The following NEDD4L variants were observed in gnomAD, a reference collection of about 807,000 sequenced individuals.
The protein encoded by NEDD4L is E3 ubiquitin-protein ligase NEDD4-like.
In NEDD4L, 54 loss-of-function variants were observed where a neutral mutation model predicts 148.9. The observed-to-expected ratio is 0.36, with a 90% CI of 0.29 to 0.45. NEDD4L has a LOEUF of 0.45. Ranked by LOEUF, NEDD4L falls within the 20% of genes least tolerant of loss-of-function variation. NEDD4L has a pLI of 1.00. For synonymous variants in NEDD4L, 433 were observed against 440.7 expected (o/e 0.98, Z 0.22); for missense variants, 856 against 1,233.8 (o/e 0.69, Z 4.59).
chr18:58,108,293 A>G (rs1265163445), intron 1 of NEDD4L, among the ~76,000 whole-genome samples: 2 of 152,252 alleles, frequency 1.3e-5, no homozygotes, highest in African/African-American at 4.8e-5. Flanking sequence ...TTTGGGTCTC[A>G]GTTTCCTAAA....
intron 11 of NEDD4L, 62 bp downstream of exon 11, chr18:58,330,976 A>C: frequency 3.2e-6 from 5 of 1,539,876 alleles, no homozygotes; most frequent in Non-Finnish European, 4.5e-6. Flanking sequence ...TTGTTGCTTA[A>C]GGAGAATCTC....
intron 1 of NEDD4L, among the ~76,000 whole-genome samples, chr18:58,146,453 A>G (rs531198122): frequency 3.3e-5 from 5 of 152,270 alleles, no homozygotes; most frequent in African/African-American, 1.2e-4. Flanking sequence ...GTTCCATGCC[A>G]TCTTTAAAGA....
chr18:58,303,199 A>G (rs1413849097), intron 5 of NEDD4L, among the ~76,000 whole-genome samples: 1 of 152,198 alleles, frequency 6.6e-6, no homozygotes, highest in Non-Finnish European at 1.5e-5. Context: ...ATGAGTAATG[A>G]ATGGAACTTT....
chr18:58,129,121 G>C (rs2031637662), intron 1 of NEDD4L, among the ~76,000 whole-genome samples: 1 of 152,190 alleles, frequency 6.6e-6, no homozygotes, highest in South Asian at 2.1e-4. Context: ...ATGCCTGCTG[G>C]TCCAGCCCAG....
chr18:58,076,005 A>G (rs74399755), intron 1 of NEDD4L, among the ~76,000 whole-genome samples: 1,777 of 152,292 alleles, frequency 0.012, 43 homozygotes, highest in African/African-American at 0.04. Flanking sequence ...TTAGGTTGGC[A>G]CAAAGCACGA....
chr18:58,081,626 AAC>A (rs1376262911), intron 1 of NEDD4L, among the ~76,000 whole-genome samples: 1 of 152,132 alleles, frequency 6.6e-6, no homozygotes, highest in Non-Finnish European at 1.5e-5. Context: ...AACAAAGCAA[AAC>A]ACACAGAATC....
chr18:58,360,066 G>C (rs2045266648), intron 19 of NEDD4L: 1 of 152,212 alleles, frequency 6.6e-6, no homozygotes, highest in Admixed American at 6.5e-5. Context: ...CAGGTTTGCT[G>C]TCAATCTCAT....
At chr18:58,149,547 C>T (rs1165691174) in intron 1 of NEDD4L, 10 of 1,549,852 alleles carry the variant, frequency 6.5e-6, no homozygotes, top group South Asian at 4.8e-5. Context: ...TGAGACGTCT[C>T]GCATTTGAGC....
chr18:58,180,998 C>T (rs776232708), intron 2 of NEDD4L, among the ~76,000 whole-genome samples: 7 of 152,186 alleles, frequency 4.6e-5, no homozygotes, highest in Non-Finnish European at 1.0e-4. Flanking sequence ...TAACACAAAT[C>T]GAATAGTCGA....
At chr18:58,305,999 A>G (rs1041031746) in intron 5 of NEDD4L, among the ~76,000 whole-genome samples, 1 of 152,180 alleles carries the variant, frequency 6.6e-6, no homozygotes, top group Non-Finnish European at 1.5e-5. Context: ...TATACCCAGC[A>G]AAGTGGACCA....
chr18:58,250,538 A>T (rs1420075027), intron 4 of NEDD4L, among the ~76,000 whole-genome samples: 1 of 152,158 alleles, frequency 6.6e-6, no homozygotes, highest in Non-Finnish European at 1.5e-5. Flanking sequence ...GACCCTTCAT[A>T]GAGCTTCTAA....
intron 2 of NEDD4L, among the ~76,000 whole-genome samples, chr18:58,210,598 G>A (rs1371145036): frequency 6.6e-6 from 1 of 152,124 alleles, no homozygotes; most frequent in African/African-American, 2.4e-5. Context: ...ACAGGCATGT[G>A]CCATCATGCC....
intron 28 of NEDD4L, chr18:58,390,405 A>G (rs1326316005): frequency 5.2e-6 from 2 of 387,980 alleles, no homozygotes; most frequent in Non-Finnish European, 9.4e-6. Context: ...TTTGCTTTTT[A>G]TATCATTTAT....
intron 1 of NEDD4L, among the ~76,000 whole-genome samples, chr18:58,139,572 G>A (rs1347066361): frequency 1.3e-5 from 2 of 152,170 alleles, no homozygotes; most frequent in Non-Finnish European, 2.9e-5. Context: ...AAAAAGCAAA[G>A]TAAAAATTGA....
chr18:58,182,509 C>CTTTT (rs568506761), intron 2 of NEDD4L, among the ~76,000 whole-genome samples: 16 of 111,426 alleles, frequency 1.4e-4, no homozygotes, highest in Admixed American at 3.0e-4. Flanking sequence ...GCATTGATAC[C>CTTTT]TTTTTTTTTT....
At position 58,161,608 on chromosome 18, in the gene NEDD4L, T is replaced by A. The variant is rs527912079; in HGVS notation, c.49-4180T>A. Among the ~76,000 whole-genome samples, 21 of 152,276 alleles carry A rather than the reference T, an allele frequency of 1.4e-4. No homozygotes were observed. The East Asian group carries it at 2.1e-3, about 15-fold the overall frequency. The stretch of plus-strand genomic sequence containing the variant: ...TGCAGCTATATCATTGACATTTTTT[T>A]AAAAATGAGATTACATTGTACTGGA... On this transcript the variant is annotated intron_variant, in intron 1 of 30. Coordinates refer to ENST00000400345, the MANE Select transcript of NEDD4L (RefSeq NM_001144967.3).
chr18:58,102,013 C>T (rs1174175715), intron 1 of NEDD4L, among the ~76,000 whole-genome samples: 1 of 152,192 alleles, frequency 6.6e-6, no homozygotes, highest in Admixed American at 6.5e-5. Flanking sequence ...AGTGTGTTGC[C>T]TTCCTTGGTT....
At chr18:58,145,235 G>A (rs1302210337) in intron 1 of NEDD4L, among the ~76,000 whole-genome samples, 1 of 152,172 alleles carries the variant, frequency 6.6e-6, no homozygotes, top group African/African-American at 2.4e-5. Context: ...TCATTTGTGG[G>A]GGTCCAAGTG....
chr18:58,118,837 G>A (rs1171963678), intron 1 of NEDD4L, among the ~76,000 whole-genome samples: 2 of 152,130 alleles, frequency 1.3e-5, no homozygotes, highest in African/African-American at 2.4e-5. Context: ...ATCACACTCA[G>A]TGCTGACATT....
Sources: gnomAD v4.1 joint callset for allele counts (sites outside exome capture counted in the v4.1 genomes callset) on GRCh38, gnomAD v4.1.1 for gene constraint, MANE v1.5 for transcripts, NCBI Gene and HGNC (gene_info 2026-07-23, HGNC 2026-07-21) for gene names.